DZIP1L: variants seen among roughly 807,000 people sequenced by gnomAD.
DZIP1L encodes the protein DAZ interacting zinc finger protein 1 like, also known as cilium assembly protein DZIP1L.
DZIP1L carries 90 observed loss-of-function variants against 88.7 expected under a neutral mutation model. That is an observed-to-expected ratio of 1.02 (90% CI 0.86 to 1.21). The LOEUF is 1.21. DZIP1L is among the 50% of genes most tolerant of loss of function. The pLI is 0.00. For missense variants in DZIP1L, 932 were observed against 955.8 expected (o/e 0.98, Z 0.33); for synonymous variants, 363 against 372.1 (o/e 0.98, Z 0.28).
intron 13 of DZIP1L, among the ~76,000 whole-genome samples, chr3:138,067,904 T>C (rs1278908764): frequency 6.6e-6 from 1 of 152,022 alleles, no homozygotes; most frequent in Non-Finnish European, 1.5e-5. Context: ...CATCTGAGGA[T>C]CCAGCCCCTC....
intron 4 of DZIP1L, among the ~76,000 whole-genome samples, chr3:138,092,796 T>G (rs1373724560): frequency 6.6e-6 from 1 of 152,230 alleles, no homozygotes; most frequent in Admixed American, 6.5e-5. Context: ...AAGAAGCAAC[T>G]ACTGAACCAT....
chr3:138,067,655 C>T lies in DZIP1L; in HGVS notation c.1878G>A (p.Val626=). ...TTGGGGGCTGTAGAGACACACGCTG[C>T]ACACGGTCTCCCTCTGAGTCCTCTT... ...SSEEDSEGDR[V]QRVSLQPPKV... is the part of the protein sequence containing the mutation. Residue 626 remains valine (V), a synonymous_variant, in exon 14 of 16, where the codon GTG becomes GTA. Coordinates refer to ENST00000327532, the MANE Select transcript of DZIP1L (RefSeq NM_173543.3). 6.2e-7 allele frequency: 1 copy of T among 1,608,412 alleles called. No individual in the cohort carries two copies. The highest frequency in any genetic ancestry group is 8.5e-7 in the Non-Finnish European group (1 of 1,177,476).
chr3:138,103,444 T>A, intron 2 of DZIP1L, 27 bp downstream of exon 2: 1 of 1,570,774 alleles, frequency 6.4e-7, no homozygotes, highest in Non-Finnish European at 8.6e-7. Context: ...GCCCTCCCAC[T>A]CTCCCTGCCT....
At chr3:138,084,585 G>A (rs1250851452) in intron 7 of DZIP1L, among the ~76,000 whole-genome samples, 1 of 152,184 alleles carries the variant, frequency 6.6e-6, no homozygotes, top group Non-Finnish European at 1.5e-5. Context: ...AAGTTAACAT[G>A]CTACTTCTGA....
At chr3:138,101,833 A>C (rs1027325738) in intron 2 of DZIP1L, 8 of 1,275,318 alleles carry the variant, frequency 6.3e-6, no homozygotes, top group Non-Finnish European at 9.2e-6. Context: ...CTGCCGCTCC[A>C]TGTCCTGCTT....
intron 8 of DZIP1L, among the ~76,000 whole-genome samples, chr3:138,083,399 T>C (rs1943762574): frequency 6.6e-6 from 1 of 152,150 alleles, no homozygotes. Flanking sequence ...GTGTGGAGCC[T>C]GGTCCATGAG....
At chr3:138,085,328 A>C (rs957142941) in intron 7 of DZIP1L, among the ~76,000 whole-genome samples, 5 of 152,162 alleles carry the variant, frequency 3.3e-5, no homozygotes, top group Non-Finnish European at 4.4e-5. Flanking sequence ...CAACCTACAA[A>C]ATGGGAGAAA....
Position 138,062,934 on chromosome 3 carries a change from T to C in DZIP1L, c.2186A>G (p.Asp729Gly), listed in dbSNP as rs756163681. ...TCTCTGGTCCAGGTCCAGAGGAAGA[T>C]CTTCCAAGGAGGAGATCTCCAAGTC... Reference protein sequence around the residue: ...ESDLEISSLEDLPLDLDQREK... With the variant: ...ESDLEISSLEGLPLDLDQREK... The change falls in exon 16 of 16, where the codon GAT (aspartate) becomes GGT (glycine). Residue 729 changes from aspartate (D) to glycine (G), a missense_variant. Asp to Gly is a moderately conservative substitution (Grantham distance 94). Coordinates refer to ENST00000327532, the MANE Select transcript of DZIP1L (RefSeq NM_173543.3). 5.0e-6 allele frequency: 8 copies of C among 1,614,106 alleles called. No homozygotes were observed. The highest frequency in any genetic ancestry group is 2.7e-5 in the African/African-American group (2 of 75,022).
At chr3:138,094,143 A>G (rs1309172081) in intron 4 of DZIP1L, among the ~76,000 whole-genome samples, 1 of 152,242 alleles carries the variant, frequency 6.6e-6, no homozygotes, top group Non-Finnish European at 1.5e-5. Context: ...CAATTACAAT[A>G]GTAACATCAA....
intron 2 of DZIP1L, among the ~76,000 whole-genome samples, chr3:138,101,094 T>C (rs1413358823): frequency 6.6e-6 from 1 of 152,118 alleles, no homozygotes; most frequent in Non-Finnish European, 1.5e-5. Flanking sequence ...TCACACCCTC[T>C]ATAAATACAC....
intron 12 of DZIP1L, 96 bp downstream of exon 12, chr3:138,071,547 G>T (rs1943178937): frequency 7.2e-7 from 1 of 1,394,830 alleles, no homozygotes; most frequent in Non-Finnish European, 9.6e-7. Flanking sequence ...CCCTAATGGG[G>T]GACAGAGACT....
At chr3:138,097,514 T>C (rs1030289367) in intron 3 of DZIP1L, among the ~76,000 whole-genome samples, 12 of 152,132 alleles carry the variant, frequency 7.9e-5, no homozygotes, top group East Asian at 5.8e-4. Flanking sequence ...GGTTACATAA[T>C]AAATAGCGAC....
intron 5 of DZIP1L, among the ~76,000 whole-genome samples, chr3:138,089,628 GT>G (rs1040295351): frequency 1.3e-5 from 2 of 151,784 alleles, no homozygotes; most frequent in Non-Finnish European, 2.9e-5. Context: ...ATCTTACAGT[GT>G]TTTTTTTACA....
At chr3:138,065,267 G>C (rs1942844730) in intron 14 of DZIP1L, among the ~76,000 whole-genome samples, 1 of 152,214 alleles carries the variant, frequency 6.6e-6, no homozygotes, top group African/African-American at 2.4e-5. Context: ...CCAAGGTAAT[G>C]TATGAACCTC....
intron 11 of DZIP1L, among the ~76,000 whole-genome samples, chr3:138,072,363 A>C (rs1024152677): frequency 1.3e-5 from 2 of 152,230 alleles, no homozygotes; most frequent in African/African-American, 4.8e-5. Context: ...TCTGAATCCA[A>C]GATGAGGATT....
At chr3:138,107,361 A>G (rs1188291153) in intron 1 of DZIP1L, among the ~76,000 whole-genome samples, 1 of 152,168 alleles carries the variant, frequency 6.6e-6, no homozygotes, top group Admixed American at 6.5e-5. Flanking sequence ...TCTTGCTCTT[A>G]TGCTTTCTTG....
At chr3:138,109,183 A>G (rs2042575243) in intron 1 of DZIP1L, among the ~76,000 whole-genome samples, 2 of 152,216 alleles carry the variant, frequency 1.3e-5, no homozygotes, top group African/African-American at 2.4e-5. Context: ...CCCATTTACC[A>G]TATTACTTGC....
Position 138,064,481 on chromosome 3 carries a change from G to C in DZIP1L, c.2142+147C>G, listed in dbSNP as rs747329115. 3.1e-6 allele frequency: 5 copies of C among 1,609,796 alleles called. No individual in the cohort carries two copies. The Admixed American group carries it at 8.4e-5, about 27-fold the overall frequency. ...AACTGGCCATCTCTCCATGTGCACA[G>C]GGGCAGAGGGAGGTCACCCACAATG... On this transcript the variant is annotated intron_variant, in intron 15 of 15. Transcript: ENST00000327532.
intron 9 of DZIP1L, among the ~76,000 whole-genome samples, chr3:138,081,016 T>C (rs986022405): frequency 6.6e-5 from 10 of 152,100 alleles, no homozygotes; most frequent in African/African-American, 2.4e-4. Flanking sequence ...CCTCAAGAAG[T>C]TCAGGGCCAC....
Sources: gnomAD v4.1 joint callset for allele counts (sites outside exome capture counted in the v4.1 genomes callset) on GRCh38, gnomAD v4.1.1 for gene constraint, MANE v1.5 for transcripts, NCBI Gene and HGNC (gene_info 2026-07-23, HGNC 2026-07-21) for gene names.